The following TRIM39 variants were observed in gnomAD, a reference collection of about 807,000 sequenced individuals.
TRIM39 encodes E3 ubiquitin-protein ligase TRIM39.
In TRIM39, 5 loss-of-function variants were observed where a neutral mutation model predicts 53.6. The observed-to-expected ratio is 0.09, with a 90% CI of 0.05 to 0.20. The LOEUF is 0.20. Among genes scored for constraint, TRIM39 ranks in the 10% least tolerant of loss-of-function variants. TRIM39 has a pLI of 1.00. For missense variants in TRIM39, 310 were observed against 621.0 expected (o/e 0.50, Z 5.32); for synonymous variants, 196 against 237.6 (o/e 0.82, Z 1.61).
intron 4 of TRIM39, among the ~76,000 whole-genome samples, chr6:30,333,695 A>G (rs1007437688): frequency 1.3e-5 from 2 of 152,166 alleles, no homozygotes; most frequent in African/African-American, 4.8e-5. Flanking sequence ...CCAGCAGAAC[A>G]TTAGAAAATG....
At chr6:30,333,543 A>G (rs1446291608) in intron 4 of TRIM39, among the ~76,000 whole-genome samples, 1 of 151,068 alleles carries the variant, frequency 6.6e-6, no homozygotes, top group African/African-American at 2.4e-5. Context: ...TTCTATTTTT[A>G]GTAGAGACAG....
intron 4 of TRIM39, among the ~76,000 whole-genome samples, chr6:30,334,024 T>TA (rs1786553013): frequency 6.6e-6 from 1 of 152,158 alleles, no homozygotes; most frequent in South Asian, 2.1e-4. Context: ...AAGGCTGTGT[T>TA]TTATTGAGGG....
Position 30,342,372 on chromosome 6 carries a change from T to C in TRIM39, c.*113T>C, listed in dbSNP as rs886164574. 1.8e-6 allele frequency: 2 copies of C among 1,132,676 alleles called. No individual in the cohort carries two copies. Among genetic ancestry groups the C allele is most frequent in the East Asian group, 2.4e-5 (1 of 41,060 alleles). 70.2% of individuals were successfully genotyped at this position (1,132,676 alleles called of 1,614,324 possible). On this transcript the variant is annotated 3_prime_UTR_variant, in exon 8 of 8. Coordinates refer to ENST00000396551, the Ensembl canonical transcript of TRIM39. This position sits in a 1 kb window ranked among gnomAD's most constrained non-coding sequence, Gnocchi z 4.7. ...CACCTGGGTCCAGTCCTGAATCATC[T>C]TGGAGAAACACCTTGGTTTCTAGGA... is the stretch of plus-strand genomic sequence containing the variant.
intron 3 of TRIM39, among the ~76,000 whole-genome samples, chr6:30,330,464 G>A (rs116366013): frequency 6.6e-6 from 1 of 152,278 alleles, no homozygotes; most frequent in South Asian, 2.1e-4. Context: ...AAGGTTGCTT[G>A]GATGGTAATA....
chr6:30,339,693 T>C lies in TRIM39; in HGVS notation c.781-215T>C, dbSNP rs376772822. Among the ~76,000 whole-genome samples, 36 of 152,328 alleles carry C rather than the reference T, an allele frequency of 2.4e-4. 4 individuals are homozygous for C. Among genetic ancestry groups the C allele is most frequent in the East Asian group, 1.9e-3 (10 of 5,190 alleles). On this transcript the variant is annotated intron_variant, in intron 5 of 7. Coordinates refer to ENST00000396551, the Ensembl canonical transcript of TRIM39. This position sits in a 1 kb window ranked among gnomAD's most constrained non-coding sequence, Gnocchi z 4.2. ...AGAAATCATTGGGAAGTGATATAAA[T>C]GACCAAGCTTCATGATGACCAGAAG...
exon 7 of TRIM39, chr6:30,340,505 A>G (rs764307013): frequency 1.2e-6 from 2 of 1,613,040 alleles, no homozygotes; most frequent in Non-Finnish European, 1.7e-6. Flanking sequence ...TCCCTCCTAG[A>G]TGTGAAAAGG....
At chr6:30,332,791 T>C (rs1303715869) in intron 4 of TRIM39, among the ~76,000 whole-genome samples, 1 of 152,222 alleles carries the variant, frequency 6.6e-6, no homozygotes, top group Non-Finnish European at 1.5e-5. Flanking sequence ...CTGTAAATTG[T>C]CATTTCAGTG....
chr6:30,335,994 C>T lies in TRIM39; in HGVS notation c.780+19C>T. On this transcript the variant is annotated intron_variant, in intron 5 of 7. Transcript: ENST00000396551. This position sits in a 1 kb window ranked among gnomAD's most constrained non-coding sequence, Gnocchi z 4.7. ...GCTTAAGGTTCGACCTTTGCCCCTG[C>T]ATAGCCCCTCAGGCTGAGTGCAGCG... The T allele has an allele frequency of 1.2e-6, 2 of 1,612,680 alleles. No individual in the cohort carries two copies. The highest frequency in any genetic ancestry group is 1.7e-6 in the Non-Finnish European group (2 of 1,179,912).
intron 5 of TRIM39, 116 bp downstream of exon 5, chr6:30,336,091 C>A (rs1250751103): frequency 2.1e-6 from 3 of 1,461,248 alleles, no homozygotes; most frequent in Non-Finnish European, 2.8e-6. Flanking sequence ...AAATCCAGTT[C>A]TTTCTGCCAG....
chr6:30,335,858 C>G lies in TRIM39; in HGVS notation c.663C>G (p.Asp221Glu), dbSNP rs1336316139. Residue 221 changes from aspartate (D) to glutamate (E), a missense_variant, in exon 5 of 8, where the codon GAC becomes GAG. By Grantham distance (45) the Asp-to-Glu change is conservative. Around this residue, in one of 5 missense-constraint regions of TRIM39, gnomAD observed 161 missense variants for 210.0 expected, o/e 0.77. Coordinates refer to ENST00000396551, the Ensembl canonical transcript of TRIM39. This position sits in a 1 kb window ranked among gnomAD's most constrained non-coding sequence, Gnocchi z 4.7. ...CACGACTGGAAGAAGAGGAACAGGA[C>G]ATTCTGCAGCGACTCCGAGAAAATG... 2 of 1,612,794 alleles carry G rather than the reference C, an allele frequency of 1.2e-6. No homozygotes were observed. Among genetic ancestry groups the G allele is most frequent in the African/African-American group, 2.7e-5 (2 of 74,866 alleles).
At chr6:30,329,345 G>A (rs1302217762) in exon 3 of TRIM39, 1 of 1,612,842 alleles carries the variant, frequency 6.2e-7, no homozygotes, top group Non-Finnish European at 8.5e-7. Flanking sequence ...GTTAGAGGCT[G>A]GGGCCTCTGC....
Position 30,338,474 on chromosome 6 carries a change from A to G in TRIM39, c.781-1434A>G, listed in dbSNP as rs1787122475. Among the ~76,000 whole-genome samples, 1 of 151,948 alleles carries G rather than the reference A, an allele frequency of 6.6e-6. No homozygotes were observed. The highest frequency in any genetic ancestry group is 1.5e-5 in the Non-Finnish European group (1 of 68,030). ...GGAGAAAGATGAGGGAATAGCTGGTAGTGGATCAGTTAGAACACATAAAAT... is the reference window on the plus strand; with the variant it reads ...GGAGAAAGATGAGGGAATAGCTGGTGGTGGATCAGTTAGAACACATAAAAT... On this transcript the variant is annotated intron_variant, in intron 5 of 7. Coordinates refer to ENST00000396551, the Ensembl canonical transcript of TRIM39. The surrounding 1 kb of genome is among the most constrained non-coding windows in gnomAD (Gnocchi z 4.0).
Position 30,330,161 on chromosome 6 carries a change from T to C in TRIM39, c.453+391T>C, listed in dbSNP as rs186609939. ...CACACTGGTTATTGGGCATAGGTAA[T>C]ATCGCTTGAGACTGATACCTACCGG... On this transcript the variant is annotated intron_variant, in intron 3 of 7. Transcript: ENST00000396551. 1.9e-4 allele frequency among the ~76,000 whole-genome samples: 29 copies of C among 152,342 alleles called. 1 individual carries two copies. Among genetic ancestry groups the C allele is most frequent in the Admixed American group, 1.9e-3 (29 of 15,298 alleles).
At chr6:30,330,795 G>T in exon 4 of TRIM39, 1 of 1,614,188 alleles carries the variant, frequency 6.2e-7, no homozygotes, top group East Asian at 2.2e-5. Flanking sequence ...AACTGCAGAA[G>T]TGTCTGGAGC....
At chr6:30,340,883 A>C (rs1787437591) in intron 7 of TRIM39, among the ~76,000 whole-genome samples, 1 of 152,188 alleles carries the variant, frequency 6.6e-6, no homozygotes, top group African/African-American at 2.4e-5. Flanking sequence ...CATCGGGTAG[A>C]GTGGTTATAT....
At chr6:30,334,906 C>G (rs1338246745) in intron 4 of TRIM39, among the ~76,000 whole-genome samples, 1 of 151,470 alleles carries the variant, frequency 6.6e-6, no homozygotes, top group Admixed American at 6.6e-5. Flanking sequence ...ATTTTTTTTT[C>G]TTTTTAGTTG....
At chr6:30,332,237 G>C (rs187061439) in intron 4 of TRIM39, among the ~76,000 whole-genome samples, 78 of 152,278 alleles carry the variant, frequency 5.1e-4, no homozygotes, top group Admixed American at 5.1e-3. Context: ...GGCCAAACCC[G>C]GTATTTGACA....
intron 4 of TRIM39, among the ~76,000 whole-genome samples, chr6:30,333,355 T>TTG (rs1384351804): frequency 3.4e-5 from 2 of 58,388 alleles, no homozygotes; most frequent in Admixed American, 1.5e-4. Context: ...TTTTTGTGGT[T>TTG]TTTTTTTTTT....
chr6:30,341,021 A>C (rs578001158), intron 7 of TRIM39, among the ~76,000 whole-genome samples: 13 of 152,276 alleles, frequency 8.5e-5, no homozygotes, highest in African/African-American at 2.9e-4. Context: ...CAGCCTGGCC[A>C]ACACGGTGAA....
Sources: gnomAD v4.1 joint callset for allele counts (sites outside exome capture counted in the v4.1 genomes callset) on GRCh38, gnomAD v4.1.1 for gene constraint, gnomAD v4.1.1 regional missense constraint, Gnocchi (gnomAD v3.1) non-coding constraint, MANE v1.5 for transcripts, NCBI Gene and HGNC (gene_info 2026-07-23, HGNC 2026-07-21) for gene names.